The following PCDH15 variants were observed in gnomAD, a reference collection of about 807,000 sequenced individuals.
PCDH15 encodes the protein protocadherin related 15.
PCDH15 carries 129 observed loss-of-function variants against 178.5 expected under a neutral mutation model. The ratio of observed to expected loss-of-function variants is 0.72; its 90% CI spans 0.63 to 0.84. PCDH15 has a LOEUF of 0.84. Ranked by LOEUF, PCDH15 falls within the 40% of genes least tolerant of loss-of-function variation. PCDH15 has a pLI of 0.00. For missense variants in PCDH15, 2,230 were observed against 2,099.9 expected (o/e 1.06, Z -1.21); for synonymous variants, 800 against 732.0 (o/e 1.09, Z -1.50).
At chr10:53,910,867 A>G (rs1188597446) in intron 25 of PCDH15, among the ~76,000 whole-genome samples, 2 of 152,202 alleles carry the variant, frequency 1.3e-5, no homozygotes, top group Non-Finnish European at 2.9e-5. Context: ...ATGACACATG[A>G]ACAAGCTTCA....
At chr10:54,535,714 A>AAC (rs1460905838) in intron 2 of PCDH15, among the ~76,000 whole-genome samples, 32 of 149,828 alleles carry the variant, frequency 2.1e-4, no homozygotes, top group African/African-American at 6.8e-4. Context: ...CACCTCAAAA[A>AAC]AAAAAAAAAA....
chr10:54,064,241 C>T (rs1000355468), intron 18 of PCDH15, among the ~76,000 whole-genome samples: 94 of 152,286 alleles, frequency 6.2e-4, no homozygotes, highest in African/African-American at 2.2e-3. Flanking sequence ...CCAGGAGACA[C>T]GAAGAGGAAA....
chr10:55,144,107 A>C (rs1838429878), intron 2 of PCDH15, among the ~76,000 whole-genome samples: 1 of 152,178 alleles, frequency 6.6e-6, no homozygotes, highest in Non-Finnish European at 1.5e-5. Flanking sequence ...AGATGTTGCT[A>C]TGTATAAAAA....
chr10:54,213,942 A>C lies in PCDH15; in HGVS notation c.1092T>G (p.Val364=). The change falls in exon 10 of 38, where the codon GTT becomes GTG. Residue 364 remains valine, a synonymous_variant. Transcript: ENST00000644397. Reference sequence around the variant, plus strand: ...AGATATTAGCTTAATTTACCTTAATAACCAAATCAAATTTCTGGTGAAAGT... The same window carrying C: ...AGATATTAGCTTAATTTACCTTAATCACCAAATCAAATTTCTGGTGAAAGT... ...NRDFHQKFDL[V]IKAEQDNGHP... is the part of the protein sequence containing the mutation. 6.4e-7 allele frequency: 1 copy of C among 1,573,048 alleles called. No homozygotes were observed. Among genetic ancestry groups the C allele is most frequent in the Non-Finnish European group, 8.7e-7 (1 of 1,143,156 alleles).
At chr10:54,348,006 G>C (rs902747968) in intron 5 of PCDH15, among the ~76,000 whole-genome samples, 2 of 151,626 alleles carry the variant, frequency 1.3e-5, no homozygotes, top group East Asian at 3.9e-4. Flanking sequence ...CCACCACCAC[G>C]CCCGGCTAAT....
In PCDH15 at chr10:55,295,874, C is replaced by T. The variant is rs193211897; in HGVS notation, c.-156+23725G>A. Among the ~76,000 whole-genome samples, 174 of 152,158 alleles carry T rather than the reference C, an allele frequency of 1.1e-3. 1 individual carries two copies. The highest frequency in any genetic ancestry group is 3.4e-3 in the African/African-American group (141 of 41,516). ...ACATCACAAGTTAAGGGCTCAGCCT[C>T]ACAACATTTCCCCACACTTCAGACA... is the stretch of plus-strand genomic sequence containing the variant. On this transcript the variant is annotated intron_variant, in intron 1 of 5. Transcript: ENST00000458638.
intron 2 of PCDH15, among the ~76,000 whole-genome samples, chr10:54,655,254 GAA>G (rs138201750): frequency 0.055 from 4,837 of 87,526 alleles, 142 homozygotes; most frequent in Non-Finnish European, 0.067. Flanking sequence ...AAGAAAGAAA[GAA>G]AGAGAGAGAG....
intron 2 of PCDH15, among the ~76,000 whole-genome samples, chr10:54,603,752 A>T (rs1480783180): frequency 6.6e-6 from 1 of 151,980 alleles, no homozygotes; most frequent in Non-Finnish European, 1.5e-5. Flanking sequence ...ATTAGCATTT[A>T]AGACAGAATT....
chr10:54,744,476 A>C (rs1404798293), intron 1 of PCDH15, among the ~76,000 whole-genome samples: 1 of 152,146 alleles, frequency 6.6e-6, no homozygotes, highest in Non-Finnish European at 1.5e-5. Context: ...AAAAGAAATC[A>C]AGCAAGAACT....
At chr10:53,844,650 A>C (rs1278819055) in intron 28 of PCDH15, among the ~76,000 whole-genome samples, 1 of 151,968 alleles carries the variant, frequency 6.6e-6, no homozygotes, top group African/African-American at 2.4e-5. Flanking sequence ...TTTTTAATGT[A>C]TGATGATAAG....
At chr10:54,063,509 T>C (rs2094073922) in intron 18 of PCDH15, among the ~76,000 whole-genome samples, 2 of 152,194 alleles carry the variant, frequency 1.3e-5, no homozygotes, top group Non-Finnish European at 2.9e-5. Flanking sequence ...CCTCAGAGCA[T>C]TTGGTATGCT....
At chr10:54,548,980 T>C (rs1377981950) in intron 2 of PCDH15, among the ~76,000 whole-genome samples, 1 of 151,788 alleles carries the variant, frequency 6.6e-6, no homozygotes, top group African/African-American at 2.4e-5. Flanking sequence ...CTTTTTTCAA[T>C]TTATTAACAT....
At chr10:55,136,771 A>G (rs1838207775) in intron 2 of PCDH15, among the ~76,000 whole-genome samples, 1 of 152,202 alleles carries the variant, frequency 6.6e-6, no homozygotes, top group Admixed American at 6.5e-5. Flanking sequence ...AATGCTTCAA[A>G]TACTATAACC....
intron 1 of PCDH15, among the ~76,000 whole-genome samples, chr10:55,195,653 TAAAA>T (rs5785123): frequency 8.5e-6 from 1 of 118,134 alleles, no homozygotes; most frequent in Non-Finnish European, 1.7e-5. Context: ...AAACTCCATC[TAAAA>T]AAAAAAAAAA....
At chr10:55,030,916 T>C (rs1840594791) in intron 2 of PCDH15, among the ~76,000 whole-genome samples, 1 of 151,984 alleles carries the variant, frequency 6.6e-6, no homozygotes, top group South Asian at 2.1e-4. Context: ...ATAATGCTAA[T>C]GCAAAAATAC....
chr10:53,985,817 A>C (rs2091056065), intron 21 of PCDH15, among the ~76,000 whole-genome samples: 1 of 152,174 alleles, frequency 6.6e-6, no homozygotes, highest in Non-Finnish European at 1.5e-5. Flanking sequence ...AAAGAGAAGG[A>C]AGCAGATCAC....
At chr10:54,570,961 C>T (rs908188306) in intron 2 of PCDH15, among the ~76,000 whole-genome samples, 6 of 151,768 alleles carry the variant, frequency 4.0e-5, no homozygotes, top group African/African-American at 1.5e-4. Flanking sequence ...CCACTGTGCC[C>T]GGCCTCACTT....
chr10:55,385,901 A>G (rs1302671855), intron 2 of PCDH15, among the ~76,000 whole-genome samples: 1 of 151,328 alleles, frequency 6.6e-6, no homozygotes, highest in Non-Finnish European at 1.5e-5. Flanking sequence ...ATATCTACAC[A>G]TATATCTACA....
chr10:54,951,065 G>A (rs1180438206), intron 2 of PCDH15, among the ~76,000 whole-genome samples: 1 of 151,696 alleles, frequency 6.6e-6, no homozygotes, highest in Admixed American at 6.6e-5. Context: ...AGCCAATATT[G>A]ACTTATTAAC....
Sources: allele counts gnomAD v4.1 joint callset (sites outside exome capture counted in the v4.1 genomes callset), GRCh38; gene constraint gnomAD v4.1.1; transcripts MANE v1.5; gene names NCBI Gene and HGNC (gene_info 2026-07-23, HGNC 2026-07-21).